Variants in FRMD4A observed in about 807,000 individuals in gnomAD.
FRMD4A encodes the protein FERM domain-containing protein 4A.
FRMD4A carries 29 observed loss-of-function variants against 129.1 expected under a neutral mutation model. The ratio of observed to expected loss-of-function variants is 0.22; its 90% confidence interval spans 0.17 to 0.31. FRMD4A has a LOEUF of 0.31. Among genes scored for constraint, FRMD4A ranks in the 10% least tolerant of loss-of-function variants. The pLI, the probability that FRMD4A is intolerant of heterozygous loss-of-function variation, is 1.00. For missense variants in FRMD4A, 1,272 were observed against 1,375.8 expected, an observed-to-expected ratio of 0.92 and a Z score of 1.19; for synonymous variants, 634 against 571.6, an observed-to-expected ratio of 1.11 and a Z score of -1.56.
intron 4 of FRMD4A, among the ~76,000 whole-genome samples, chr10:13,805,426 CT>C (rs5783352): frequency 3.3e-4 from 49 of 149,534 alleles, no homozygotes; most frequent in African/African-American, 1.0e-3. Flanking sequence ...TTTTAAAAGG[CT>C]TTTTTTTTCT....
At chr10:14,177,003 T>C (rs2131894666) in intron 2 of FRMD4A, among the ~76,000 whole-genome samples, 1 of 152,330 alleles carries the variant, frequency 6.6e-6, no homozygotes, top group Non-Finnish European at 1.5e-5. Flanking sequence ...TTCCATCCCT[T>C]TGGATTCTTC....
rs113207296 is a variant in FRMD4A, at chr10:13,871,138, T to A, written c.46-12226A>T. The A allele has an allele frequency of 4.7e-4, 78 of 165,028 alleles. 1 individual carries two copies. The highest frequency in any genetic ancestry group is 1.6e-3 in the African/African-American group (68 of 41,488). The allele number at this position is 165,028 out of a possible 1,614,324, so 10.2% of individuals were successfully genotyped here. On this transcript the variant is annotated intron_variant, in intron 2 of 24. Transcript: ENST00000357447. ...ACATAATGGATGCTTGGGTTCGCCCTGATGACAGACATGTTCAGGCCTGCC... is the reference window on the plus strand; with the variant it reads ...ACATAATGGATGCTTGGGTTCGCCCAGATGACAGACATGTTCAGGCCTGCC...
chr10:14,128,934 C>T (rs1839078844), intron 2 of FRMD4A, among the ~76,000 whole-genome samples: 1 of 152,062 alleles, frequency 6.6e-6, no homozygotes, highest in Non-Finnish European at 1.5e-5. Context: ...TGGATGGGTG[C>T]CTGGATGGAA....
At chr10:14,085,538 C>T (rs1588942135) in intron 2 of FRMD4A, among the ~76,000 whole-genome samples, 1 of 152,306 alleles carries the variant, frequency 6.6e-6, no homozygotes, top group Admixed American at 6.5e-5. Flanking sequence ...AGAGACGGAA[C>T]GGGTCTCAGA....
intron 2 of FRMD4A, among the ~76,000 whole-genome samples, chr10:14,010,670 T>TTTTTTTTTTTTTTTTG (rs2095679069): frequency 7.0e-6 from 1 of 142,910 alleles, no homozygotes; most frequent in Non-Finnish European, 1.5e-5. Context: ...AGGTCTTTTT[T>TTTTTTTTTTTTTTTTG]TTTTTTTTTT....
intron 2 of FRMD4A, among the ~76,000 whole-genome samples, chr10:14,181,402 T>C (rs970193743): frequency 3.3e-5 from 5 of 152,210 alleles, no homozygotes; most frequent in African/African-American, 9.7e-5. Flanking sequence ...AGAAGACCTC[T>C]GGGAGCCCAG....
chr10:13,878,055 C>T lies in FRMD4A; in HGVS notation c.46-19143G>A, dbSNP rs568692190. Among the ~76,000 whole-genome samples the T allele has an allele frequency of 2.3e-4, 35 of 152,158 alleles. No homozygotes were observed. The East Asian group carries it at 5.8e-3, about 25-fold the overall frequency. On this transcript the variant is annotated intron_variant, in intron 2 of 24. Coordinates refer to ENST00000357447, the MANE Select transcript of FRMD4A (RefSeq NM_018027.5). ...GTAGCACCTTACAGTGCAATGGCCC[C>T]GGCAAACGAGAGTCTAAATATATCC...
chr10:14,095,022 G>C (rs143069544), intron 2 of FRMD4A, among the ~76,000 whole-genome samples: 1 of 152,134 alleles, frequency 6.6e-6, no homozygotes. Context: ...ATCTGTGTGT[G>C]TGTACACATG....
chr10:14,222,770 G>C (rs1843303947), intron 2 of FRMD4A, among the ~76,000 whole-genome samples: 1 of 152,098 alleles, frequency 6.6e-6, no homozygotes, highest in Non-Finnish European at 1.5e-5. Flanking sequence ...AAGTGGCACT[G>C]TGGCTTTGGT....
At chr10:13,835,578 T>C (rs997980103) in intron 3 of FRMD4A, among the ~76,000 whole-genome samples, 2 of 152,096 alleles carry the variant, frequency 1.3e-5, no homozygotes, top group South Asian at 2.1e-4. Context: ...TAGATACTCA[T>C]AGGAGTATGA....
chr10:14,330,689 C>G lies in FRMD4A; in HGVS notation c.-174G>C. On this transcript the variant is annotated 5_prime_UTR_variant, in exon 1 of 25. Coordinates refer to ENST00000357447, the MANE Select transcript of FRMD4A (RefSeq NM_018027.5). ...CTGGGAGTGAGACAGCCGAGTCTGA[C>G]CATGAGGCACCAGGCAGTCACTGGA... 2.5e-6 allele frequency: 1 copy of G among 398,730 alleles called. No homozygotes were observed. The allele number at this position is 398,730 out of a possible 1,614,324, so 24.7% of individuals were successfully genotyped here.
chr10:13,887,402 C>T (rs1034849426), intron 2 of FRMD4A, among the ~76,000 whole-genome samples: 15 of 152,232 alleles, frequency 9.9e-5, no homozygotes, highest in African/African-American at 2.6e-4. Flanking sequence ...GAACTGAGGC[C>T]GGGGGCGGTG....
In FRMD4A at chr10:14,319,549, A is replaced by G. The variant is rs76337480; in HGVS notation, c.45+10509T>C. The stretch of plus-strand genomic sequence containing the variant: ...AGCAAAAATCACCAAGACTTCTTCA[A>G]TGGGGCCATGCGGCACATTCAATGT... On this transcript the variant is annotated intron_variant, in intron 2 of 24. Transcript: ENST00000357447. 9.0e-3 allele frequency among the ~76,000 whole-genome samples: 1,365 copies of G among 152,300 alleles called. 20 individuals are homozygous for G. Among genetic ancestry groups the G allele is most frequent in the African/African-American group, 0.031 (1,299 of 41,560 alleles).
intron 2 of FRMD4A, among the ~76,000 whole-genome samples, chr10:13,943,953 T>C (rs2095313069): frequency 6.6e-6 from 1 of 152,162 alleles, no homozygotes; most frequent in Middle Eastern, 3.2e-3. Flanking sequence ...GATGAGACTA[T>C]AAATAACTCC....
intron 2 of FRMD4A, among the ~76,000 whole-genome samples, chr10:14,195,626 C>T (rs1346101190): frequency 2.6e-5 from 4 of 152,158 alleles, no homozygotes; most frequent in Admixed American, 2.6e-4. Flanking sequence ...TCCAGGCGTC[C>T]CCCGTTGCAG....
rs1391493889 is a variant in FRMD4A, at chr10:13,660,530, T to C, written c.1684A>G (p.Ile562Val). 14 of 1,610,892 alleles carry C rather than the reference T, an allele frequency of 8.7e-6. No homozygotes were observed. The highest frequency in any genetic ancestry group is 1.7e-4 in the Middle Eastern group (1 of 6,046). Residue 562 changes from isoleucine (I) to valine (V), a missense_variant, in exon 20 of 25, where the codon ATA (isoleucine) becomes GTA (valine). Physicochemically the swap from Ile to Val is conservative, Grantham distance 29. Coordinates refer to ENST00000357447, the MANE Select transcript of FRMD4A (RefSeq NM_018027.5). ...TTGTGAGGAGAATGTAGGGGGGATATTGTGCTGGTAACCTGAGAGTCTTCT... is the reference window on the plus strand; with the variant it reads ...TTGTGAGGAGAATGTAGGGGGGATACTGTGCTGGTAACCTGAGAGTCTTCT... ...EDEDSQVTSTISPLHSPHKGL... is the reference protein window; with the variant it reads ...EDEDSQVTSTVSPLHSPHKGL...
At chr10:13,723,428 T>C (rs555894426) in intron 12 of FRMD4A, among the ~76,000 whole-genome samples, 3 of 152,338 alleles carry the variant, frequency 2.0e-5, no homozygotes, top group Admixed American at 6.5e-5. Context: ...AGTAGAATGA[T>C]GGTTCCCAGC....
rs1486538813 is a variant in FRMD4A, at chr10:13,670,530, T to C, written c.1252-2A>G. 6.2e-7 allele frequency: 1 copy of C among 1,612,410 alleles called. No homozygotes were observed. On this transcript the variant is annotated splice_acceptor_variant, in intron 16 of 24. Coordinates refer to ENST00000357447, the MANE Select transcript of FRMD4A (RefSeq NM_018027.5). LOFTEE classifies it high-confidence loss of function. ...TACTGGCAGCTTGCCCGTGAGCTCC[T>C]GCATATGTGAAATGGCATTCGGAGT...
chr10:14,089,589 G>T (rs574751526), intron 2 of FRMD4A, among the ~76,000 whole-genome samples: 17 of 140,056 alleles, frequency 1.2e-4, no homozygotes, highest in African/African-American at 4.3e-4. Context: ...CTTATTTATT[G>T]TGGATTGAAA....
Sources: allele counts gnomAD v4.1 joint callset (sites outside exome capture counted in the v4.1 genomes callset), GRCh38; gene constraint gnomAD v4.1.1; transcripts MANE v1.5; gene names NCBI Gene and HGNC (gene_info 2026-07-23, HGNC 2026-07-21).